RUFY2: variants seen among roughly 807,000 people sequenced by gnomAD.
RUFY2 encodes RUN and FYVE domain containing 2, also known as RUN and FYVE domain-containing protein 2.
A neutral mutation model predicts 94.4 loss-of-function variants in RUFY2; 49 were observed. That is an observed-to-expected ratio of 0.52 (90% CI 0.41 to 0.66). The LOEUF is 0.66. RUFY2 is among the 30% of genes least tolerant of loss of function. RUFY2 has a pLI of 0.00. For synonymous variants in RUFY2, 255 were observed against 235.7 expected, an observed-to-expected ratio of 1.08 and a Z score of -0.75; for missense variants, 541 against 692.8, an observed-to-expected ratio of 0.78 and a Z score of 2.46.
intron 1 of RUFY2, among the ~76,000 whole-genome samples, chr10:68,405,930 C>CAAGT: frequency 6.6e-6 from 1 of 152,290 alleles, no homozygotes. Context: ...ACAGTATCAT[C>CAAGT]AAGTAAGATA....
chr10:68,383,179 G>A (rs1014195459), intron 10 of RUFY2, among the ~76,000 whole-genome samples: 2 of 152,012 alleles, frequency 1.3e-5, no homozygotes, highest in African/African-American at 4.8e-5. Flanking sequence ...ACAAAAGTTA[G>A]CCAGGCATGG....
chr10:68,404,310 T>C (rs2051102003), intron 2 of RUFY2, among the ~76,000 whole-genome samples: 1 of 152,158 alleles, frequency 6.6e-6, no homozygotes. Flanking sequence ...CAATCCACTA[T>C]TTCAATGCAG....
intron 16 of RUFY2, among the ~76,000 whole-genome samples, chr10:68,349,427 G>A (rs1226574145): frequency 6.6e-6 from 1 of 152,050 alleles, no homozygotes; most frequent in South Asian, 2.1e-4. Context: ...GGCTGAGGGG[G>A]GGAGGATTGC....
At chr10:68,403,595 A>G (rs754344480) in intron 2 of RUFY2, among the ~76,000 whole-genome samples, 4 of 152,162 alleles carry the variant, frequency 2.6e-5, no homozygotes, top group Non-Finnish European at 5.9e-5. Context: ...TGCTCTGTGT[A>G]CTTCTCTGTT....
chr10:68,369,127 T>C (rs74617789), intron 13 of RUFY2, among the ~76,000 whole-genome samples: 5,532 of 152,310 alleles, frequency 0.036, 313 homozygotes, highest in African/African-American at 0.13. Context: ...GCATCTGTTA[T>C]GGTTTGAATG....
At chr10:68,358,633 G>A (rs1318998747) in intron 15 of RUFY2, among the ~76,000 whole-genome samples, 1 of 152,170 alleles carries the variant, frequency 6.6e-6, no homozygotes, top group African/African-American at 2.4e-5. Context: ...TTTCTTGGCT[G>A]GGCACAGTGG....
At chr10:68,360,174 C>G (rs913357205) in intron 15 of RUFY2, among the ~76,000 whole-genome samples, 1 of 152,028 alleles carries the variant, frequency 6.6e-6, no homozygotes, top group Non-Finnish European at 1.5e-5. Context: ...GTGGCTCAAG[C>G]CTGTAATCCC....
intron 12 of RUFY2, chr10:68,379,203 G>C: frequency 2.4e-6 from 1 of 412,072 alleles, no homozygotes; most frequent in Non-Finnish European, 4.3e-6. Context: ...AGGCCTCTAA[G>C]AAAAATCTAC....
In RUFY2 at chr10:68,393,970, G is replaced by A. The variant is rs76482545; in HGVS notation, c.584+105C>T. 3.8e-3 allele frequency: 5,374 copies of A among 1,421,748 alleles called. 186 individuals are homozygous for A. In the African/African-American group the frequency reaches 0.07, roughly 19 times the overall value. The allele number at this position is 1,421,748 out of a possible 1,614,324, so 88.1% of individuals were successfully genotyped here. A position where few individuals can be genotyped will look rare whatever the true frequency, so the allele number is the denominator to read the frequency against. ...AATGAAATGAAGAAGTCACAGGGGG[G>A]AAAACAACAAAATAAAACCACACTG... On this transcript the variant is annotated intron_variant, in intron 6 of 17. Coordinates refer to ENST00000602465, the MANE Select transcript of RUFY2 (RefSeq NM_001330103.2).
chr10:68,372,419 A>G (rs182047810), intron 13 of RUFY2, among the ~76,000 whole-genome samples: 2,294 of 151,950 alleles, frequency 0.015, 66 homozygotes, highest in Non-Finnish European at 0.016. Flanking sequence ...ATAAAATAAA[A>G]TAAGTTTTTT....
intron 10 of RUFY2, among the ~76,000 whole-genome samples, chr10:68,381,964 T>C (rs759730387): frequency 1.1e-4 from 17 of 152,234 alleles, no homozygotes; most frequent in Non-Finnish European, 2.2e-4. Flanking sequence ...GCTTCATAGA[T>C]TGAATATTAA....
intron 7 of RUFY2, among the ~76,000 whole-genome samples, chr10:68,386,908 A>G (rs1464741903): frequency 6.6e-6 from 1 of 152,148 alleles, no homozygotes. Flanking sequence ...GAGAAATATG[A>G]AGATGAGATA....
intron 13 of RUFY2, among the ~76,000 whole-genome samples, chr10:68,373,017 T>A (rs896022866): frequency 1.3e-5 from 2 of 152,164 alleles, no homozygotes; most frequent in Non-Finnish European, 2.9e-5. Flanking sequence ...AATTTAAACA[T>A]TAAATTCTGT....
At chr10:68,375,766 A>G (rs1251727215) in intron 13 of RUFY2, among the ~76,000 whole-genome samples, 2 of 146,392 alleles carry the variant, frequency 1.4e-5, no homozygotes, top group Non-Finnish European at 3.0e-5. Context: ...ATAGAGCGAG[A>G]CTCCATCTCA....
At chr10:68,377,931 A>T (rs1168576097) in intron 12 of RUFY2, 1 of 985,306 alleles carries the variant, frequency 1.0e-6, no homozygotes, top group Non-Finnish European at 1.2e-6. Flanking sequence ...CAAGGAAGGG[A>T]GAGTAACATT....
intron 16 of RUFY2, among the ~76,000 whole-genome samples, chr10:68,350,096 G>A (rs528198277): frequency 1.9e-4 from 29 of 152,068 alleles, no homozygotes; most frequent in Admixed American, 6.6e-4. Flanking sequence ...TACAACCTCC[G>A]CCTCCCGGGT....
At chr10:68,369,343 G>T (rs1589847742) in intron 13 of RUFY2, among the ~76,000 whole-genome samples, 1 of 151,990 alleles carries the variant, frequency 6.6e-6, no homozygotes, top group Non-Finnish European at 1.5e-5. Flanking sequence ...AATTTAGCCA[G>T]GTGTGGTGGT....
In RUFY2 at chr10:68,401,572, T is replaced by G. The variant is rs184595672; in HGVS notation, c.296+48A>C. On this transcript the variant is annotated intron_variant, in intron 3 of 17. Transcript: ENST00000602465. ...AGTGTGAGGTACTTTGGAGGAACAA[T>G]GAATACACTTCTGTGGCTAGGGATG... 50 of 1,162,918 alleles carry G rather than the reference T, an allele frequency of 4.3e-5. No homozygotes were observed. The East Asian group carries it at 1.1e-3, about 26-fold the overall frequency. The allele number at this position is 1,162,918 out of a possible 1,614,324, so 72.0% of individuals were successfully genotyped here.
chr10:68,346,199 GTTA>G, intron 16 of RUFY2, 115 bp from the exon 17 acceptor site: 1 of 775,148 alleles, frequency 1.3e-6, no homozygotes, highest in South Asian at 1.8e-5. Flanking sequence ...TGGAAAATAA[GTTA>G]TTTTCTTTGA....
Sources: allele counts gnomAD v4.1 joint callset (sites outside exome capture counted in the v4.1 genomes callset), GRCh38; gene constraint gnomAD v4.1.1; transcripts MANE v1.5; gene names NCBI Gene and HGNC (gene_info 2026-07-23, HGNC 2026-07-21).